Variants in GNS observed in about 807,000 individuals in gnomAD.
GNS encodes N-acetylglucosamine-6-sulfatase.
Under a neutral mutation model 69.7 loss-of-function variants are expected in GNS, and 40 were observed. The observed-to-expected ratio is 0.57, with a 90% CI of 0.45 to 0.75. The LOEUF (loss-of-function observed/expected upper bound fraction) is 0.75, where lower values mean the gene tolerates loss of function less well. Ranked by LOEUF, GNS falls within the 30% of genes least tolerant of loss-of-function variation. GNS has a pLI of 0.00. For missense variants in GNS, 565 were observed against 685.5 expected (o/e 0.82, Z 1.96); for synonymous variants, 243 against 251.6 (o/e 0.97, Z 0.32).
chr12:64,723,139 C>G lies in GNS; in HGVS notation c.1201-26G>C, dbSNP rs200148852. ...CTAGAAAGAAGAGCAAGTGGAATTTCTGTGATGCACATAGACTATGATAAA... is the reference window on the plus strand; with the variant it reads ...CTAGAAAGAAGAGCAAGTGGAATTTGTGTGATGCACATAGACTATGATAAA... On this transcript the variant is annotated intron_variant, in intron 10 of 13. Transcript: ENST00000258145. The G allele has an allele frequency of 1.3e-5, 17 of 1,291,320 alleles. No individual in the cohort carries two copies. The African/African-American group carries it at 2.5e-4, about 19-fold the overall frequency. The allele number at this position is 1,291,320 out of a possible 1,614,324, so 80.0% of individuals were successfully genotyped here. A position where few individuals can be genotyped will look rare whatever the true frequency, so the allele number is the denominator to read the frequency against.
chr12:64,748,168 C>T (rs1400797289), intron 2 of GNS, among the ~76,000 whole-genome samples: 1 of 151,812 alleles, frequency 6.6e-6, no homozygotes, highest in Non-Finnish European at 1.5e-5. Flanking sequence ...TGCAGGATAA[C>T]AGTAATTCTA....
At chr12:64,735,503 T>C (rs1249383896) in intron 9 of GNS, among the ~76,000 whole-genome samples, 1 of 152,240 alleles carries the variant, frequency 6.6e-6, no homozygotes, top group East Asian at 1.9e-4. Flanking sequence ...CCAGACTTCA[T>C]TTAGATTGCT....
At position 64,736,997 on chromosome 12, in the gene GNS, C is replaced by T. The variant is rs945038474; in HGVS notation, c.1098+7G>A. On this transcript the variant is annotated splice_region_variant and intron_variant, in intron 9 of 13. Coordinates refer to ENST00000258145, the MANE Select transcript of GNS (RefSeq NM_002076.4). ...CTGTCCACAGCACCAGCTTGTCAGG[C>T]ACCTACCTTGCTTGTCTGATTTGGT... 2.1e-6 allele frequency: 3 copies of T among 1,407,940 alleles called. No homozygotes were observed. The highest frequency in any genetic ancestry group is 1.8e-4 in the Middle Eastern group (1 of 5,692). The allele number at this position is 1,407,940 out of a possible 1,614,324, so 87.2% of individuals were successfully genotyped here.
chr12:64,755,924 C>G (rs563821513), intron 1 of GNS, among the ~76,000 whole-genome samples: 34 of 152,208 alleles, frequency 2.2e-4, no homozygotes, highest in African/African-American at 8.2e-4. Context: ...ACCTCGGCCT[C>G]CCAAAGTGCT....
chr12:64,751,321 T>C (rs1870070397), intron 2 of GNS, among the ~76,000 whole-genome samples: 1 of 152,234 alleles, frequency 6.6e-6, no homozygotes, highest in African/African-American at 2.4e-5. Context: ...ATTCTAGTGA[T>C]TTTAAAGGGT....
intron 9 of GNS, chr12:64,729,362 G>A: frequency 3.1e-6 from 1 of 321,380 alleles, no homozygotes; most frequent in Non-Finnish European, 5.8e-6. Flanking sequence ...TGAGTTTGTT[G>A]CGAATCATGA....
chr12:64,716,741 C>T lies in GNS; in HGVS notation c.1659G>A (p.Ter553=). Residue 553 remains the stop codon, a stop_retained_variant, in exon 14 of 14, where the codon TAG becomes TAA. Coordinates refer to ENST00000258145, the MANE Select transcript of GNS (RefSeq NM_002076.4). ...CATCTGCAGAGGCTGTGTGAGGTCG[C>T]TACAGAAGATGTTTGGAAAATCTTC... ...RTRRFSKHLL[*] is the part of the protein sequence containing the mutation. 2 of 1,598,154 alleles carry T rather than the reference C, an allele frequency of 1.3e-6. No homozygotes were observed. The highest frequency in any genetic ancestry group is 1.3e-5 in the African/African-American group (1 of 74,662).
chr12:64,752,739 T>C lies in GNS; in HGVS notation c.211A>G (p.Lys71Glu), dbSNP rs1369139095. ...LGGMTPLKKT[K>E]ALIGEMGMTF... The stretch of plus-strand genomic sequence containing the variant: ...ATCCCCATCTCTCCGATGAGAGCTT[T>C]GGTTTTCTTTAGCGGTGTCTGTAAA... Residue 71 changes from lysine to glutamate, a missense_variant, in exon 2 of 14, where the codon AAA becomes GAA. Lys to Glu is a moderately conservative substitution (Grantham distance 56). Transcript: ENST00000258145. The C allele has an allele frequency of 1.3e-6, 2 of 1,529,694 alleles. No homozygotes were observed. The highest frequency in any genetic ancestry group is 1.7e-5 in the Admixed American group (1 of 59,662). The allele number at this position is 1,529,694 out of a possible 1,614,324, so 94.8% of individuals were successfully genotyped here.
At position 64,744,987 on chromosome 12, in the gene GNS, T is replaced by G. The variant is rs1014526160; in HGVS notation, c.526-80A>C. On this transcript the variant is annotated intron_variant, in intron 4 of 13. Transcript: ENST00000258145. Reference sequence around the variant, plus strand: ...TCTGAATCCGTGCTGGGCTAAACTCTACTCTGAGCAGTGATAAGACATTAA... The same window carrying G: ...TCTGAATCCGTGCTGGGCTAAACTCGACTCTGAGCAGTGATAAGACATTAA... 1.2e-5 allele frequency: 9 copies of G among 747,690 alleles called. No homozygotes were observed. The African/African-American group carries it at 1.4e-4, about 11-fold the overall frequency. The allele number at this position is 747,690 out of a possible 1,614,324, so 46.3% of individuals were successfully genotyped here. A position where few individuals can be genotyped will look rare whatever the true frequency, so the allele number is the denominator to read the frequency against.
intron 13 of GNS, among the ~76,000 whole-genome samples, chr12:64,717,035 G>A (rs895402865): frequency 1.3e-5 from 2 of 152,152 alleles, no homozygotes; most frequent in African/African-American, 2.4e-5. Flanking sequence ...CAAGTCAAGA[G>A]GAGAAAAACA....
chr12:64,748,789 T>C (rs922744001), intron 2 of GNS, among the ~76,000 whole-genome samples: 4 of 152,098 alleles, frequency 2.6e-5, no homozygotes, highest in African/African-American at 7.2e-5. Flanking sequence ...AATACTAGCT[T>C]ATACTTGGAC....
chr12:64,753,206 CAGTGGTGG>C (rs1424714134), intron 1 of GNS, among the ~76,000 whole-genome samples: 1 of 152,168 alleles, frequency 6.6e-6, no homozygotes, highest in African/African-American at 2.4e-5. Flanking sequence ...CTCACACACT[CAGTGGTGG>C]AGGCCAGACA....
At chr12:64,718,453 C>T (rs1868930577) in intron 13 of GNS, among the ~76,000 whole-genome samples, 1 of 152,158 alleles carries the variant, frequency 6.6e-6, no homozygotes, top group Non-Finnish European at 1.5e-5. Context: ...ATAGGGTGAC[C>T]CTTGGGCAAA....
rs78072485 is a variant in GNS, at chr12:64,735,640, C to G, written c.1098+1364G>C. Among the ~76,000 whole-genome samples the G allele has an allele frequency of 4.0e-3, 617 of 152,348 alleles. 6 individuals carry two copies. Among genetic ancestry groups the G allele is most frequent in the African/African-American group, 0.015 (604 of 41,578 alleles). On this transcript the variant is annotated intron_variant, in intron 9 of 13. Transcript: ENST00000258145. The stretch of plus-strand genomic sequence containing the variant: ...ACTATGATCTCATTCAGCCTCCTTC[C>G]CATGTGGGCTGAGGTAGCCCTGCTC...
chr12:64,759,365 A>G lies in GNS; in HGVS notation c.-89T>C. 1 of 903,064 alleles carries G rather than the reference A, an allele frequency of 1.1e-6. No individual in the cohort carries two copies. Among genetic ancestry groups the G allele is most frequent in the Non-Finnish European group, 1.6e-6 (1 of 613,952 alleles). The allele number at this position is 903,064 out of a possible 1,614,324, so 55.9% of individuals were successfully genotyped here. A position where few individuals can be genotyped will look rare whatever the true frequency, so the allele number is the denominator to read the frequency against. Reference sequence around the variant, plus strand: ...GGGCGAGAGGCCGACCAGCCGAAGGAATAAAAAGCCGTGCCTTGAAGGCCG... The same window carrying G: ...GGGCGAGAGGCCGACCAGCCGAAGGGATAAAAAGCCGTGCCTTGAAGGCCG... On this transcript the variant is annotated 5_prime_UTR_variant, in exon 1 of 14. Transcript: ENST00000258145.
At chr12:64,739,706 C>G (rs960847435) in intron 7 of GNS, among the ~76,000 whole-genome samples, 1 of 151,942 alleles carries the variant, frequency 6.6e-6, no homozygotes, top group African/African-American at 2.4e-5. Flanking sequence ...CCTAGACCTT[C>G]CCATTGTAAA....
intron 6 of GNS, among the ~76,000 whole-genome samples, chr12:64,741,185 C>T (rs1263342915): frequency 6.6e-5 from 1 of 15,204 alleles, no homozygotes; most frequent in Non-Finnish European, 9.7e-5. Flanking sequence ...CCAGCCTGGG[C>T]GACAGAGCGA....
chr12:64,758,228 T>C (rs746926341), intron 1 of GNS, among the ~76,000 whole-genome samples: 9 of 151,602 alleles, frequency 5.9e-5, no homozygotes, highest in Non-Finnish European at 1.3e-4. Flanking sequence ...ATCACACTAA[T>C]TGAATTTTCT....
chr12:64,734,580 G>C (rs1235663918), intron 9 of GNS, among the ~76,000 whole-genome samples: 1 of 152,240 alleles, frequency 6.6e-6, no homozygotes, highest in Non-Finnish European at 1.5e-5. Flanking sequence ...CGCTTAGGAA[G>C]TACAAGGAGT....
Sources: gnomAD v4.1 joint callset for allele counts (sites outside exome capture counted in the v4.1 genomes callset) on GRCh38, gnomAD v4.1.1 for gene constraint, MANE v1.5 for transcripts, NCBI Gene and HGNC (gene_info 2026-07-23, HGNC 2026-07-21) for gene names.